LAMA4: variants seen among roughly 807,000 people sequenced by gnomAD.
LAMA4 encodes laminin subunit alpha-4.
LAMA4 carries 127 observed loss-of-function variants against 207.1 expected under a neutral mutation model. That is an observed-to-expected ratio of 0.61 (90% confidence interval 0.53 to 0.71). The LOEUF is 0.71. Ranked by LOEUF, LAMA4 falls within the 30% of genes least tolerant of loss-of-function variation. The probability of loss-of-function intolerance (pLI) is 0.00; values close to 1 mark genes in which losing one functional copy is unlikely to be tolerated. For synonymous variants in LAMA4, 761 were observed against 816.0 expected, an observed-to-expected ratio of 0.93 and a Z score of 1.15; for missense variants, 2,093 against 2,246.5, an observed-to-expected ratio of 0.93 and a Z score of 1.38.
At chr6:112,228,859 T>C (rs9487858) in intron 2 of LAMA4, among the ~76,000 whole-genome samples, 21,907 of 152,106 alleles carry the variant, frequency 0.14, 3,319 homozygotes, top group African/African-American at 0.38. Context: ...AGGGGCAGAT[T>C]CTGGATCTGG....
intron 2 of LAMA4, among the ~76,000 whole-genome samples, chr6:112,224,196 T>C (rs1330077891): frequency 1.3e-5 from 2 of 152,202 alleles, no homozygotes; most frequent in African/African-American, 2.4e-5. Flanking sequence ...TTGACATCTT[T>C]ACCTGGGCTC....
intron 9 of LAMA4, among the ~76,000 whole-genome samples, chr6:112,183,996 A>C (rs1782532186): frequency 6.6e-6 from 1 of 151,594 alleles, no homozygotes. Context: ...TAGTTTTAGC[A>C]AGTTTCAACC....
At chr6:112,176,094 G>A (rs9398299) in intron 10 of LAMA4, among the ~76,000 whole-genome samples, 76,108 of 152,068 alleles carry the variant, frequency 0.5, 19,345 homozygotes, top group Middle Eastern at 0.66. Flanking sequence ...TTTGCTCATT[G>A]ATAGTTATTT....
Position 112,120,489 on chromosome 6 carries a change from A to C in LAMA4, c.4476-17T>G. On this transcript the variant is annotated splice_polypyrimidine_tract_variant and intron_variant, in intron 32 of 38. Transcript: ENST00000230538. Reference sequence around the variant, plus strand: ...AACTGAGATCTGGTAAATGAAAAGAAAGGGATTACCATATGTAAAATGAGA... The same window carrying C: ...AACTGAGATCTGGTAAATGAAAAGACAGGGATTACCATATGTAAAATGAGA... 6.3e-7 allele frequency: 1 copy of C among 1,590,224 alleles called. No homozygotes were observed. Among genetic ancestry groups the C allele is most frequent in the Non-Finnish European group, 8.6e-7 (1 of 1,158,620 alleles).
At position 112,124,013 on chromosome 6, in the gene LAMA4, T is replaced by C. The variant is rs1778532118; in HGVS notation, c.4288-1812A>G. ...TAGGGCTGCCAGGAGATTCTTTAAC[T>C]CTAATGTCTTAGGAAAATTTCCCCA... On this transcript the variant is annotated intron_variant, in intron 31 of 38. Coordinates refer to ENST00000230538, the MANE Select transcript of LAMA4 (RefSeq NM_001105206.3). Among the ~76,000 whole-genome samples the C allele has an allele frequency of 2.6e-5, 4 of 152,178 alleles. No individual in the cohort carries two copies. In the South Asian group the frequency reaches 8.3e-4, roughly 32 times the overall value.
chr6:112,144,379 A>G (rs540745063), intron 19 of LAMA4, among the ~76,000 whole-genome samples: 6 of 152,248 alleles, frequency 3.9e-5, no homozygotes, highest in Non-Finnish European at 5.9e-5. Flanking sequence ...GATGGGATAG[A>G]TTATTCCATT....
At chr6:112,155,191 C>A in intron 15 of LAMA4, 3 of 592,124 alleles carry the variant, frequency 5.1e-6, no homozygotes, top group Non-Finnish European at 9.0e-6. Flanking sequence ...TGGCCAAGGC[C>A]CCACCAAAGT....
chr6:112,119,269 C>T lies in LAMA4; in HGVS notation c.4708G>A (p.Asp1570Asn). ...RERSSGRLVI[D>N]GLRVLEESLP... ...CTTTCTTCTAGGACTCGGAGACCAT[C>T]AATTACCAGTCGGCCACTGCTCCTT... Residue 1570 changes from aspartate (D) to asparagine (N), a missense_variant, in exon 34 of 39, where the codon GAT becomes AAT. Transcript: ENST00000230538. 2.5e-6 allele frequency: 4 copies of T among 1,614,050 alleles called. No individual in the cohort carries two copies. The South Asian group carries it at 3.3e-5, about 13-fold the overall frequency.
intron 24 of LAMA4, among the ~76,000 whole-genome samples, chr6:112,136,611 G>C (rs1431238179): frequency 1.3e-5 from 2 of 150,776 alleles, no homozygotes; most frequent in Non-Finnish European, 2.9e-5. Context: ...AGAATCGCTT[G>C]AACCCGGGAG....
At chr6:112,121,989 C>G in intron 32 of LAMA4, 25 bp downstream of exon 32, 1 of 1,600,064 alleles carries the variant, frequency 6.2e-7, no homozygotes, top group Non-Finnish European at 8.6e-7. Flanking sequence ...CATTAGGAGT[C>G]TAGGAGTATA....
rs2114574039 is a variant in LAMA4 at position 112,117,676 on chromosome 6, C to T, written c.4981+63G>A. 1 of 1,506,634 alleles carries T rather than the reference C, an allele frequency of 6.6e-7. No homozygotes were observed. The highest frequency in any genetic ancestry group is 9.2e-7 in the Non-Finnish European group (1 of 1,085,404). 93.3% of individuals were successfully genotyped at this position (1,506,634 alleles called of 1,614,324 possible). ...AGTTTTAACTCTGGGCCTGATATTC[C>T]CTGTTAGCCATCTCCAGGAAGAAGC... On this transcript the variant is annotated intron_variant, in intron 35 of 38. Transcript: ENST00000230538. The surrounding 1 kb of genome is among the most constrained non-coding windows in gnomAD (Gnocchi z 4.5).
intron 26 of LAMA4, among the ~76,000 whole-genome samples, chr6:112,133,933 T>A (rs2114662911): frequency 6.6e-6 from 1 of 152,316 alleles, no homozygotes; most frequent in South Asian, 2.1e-4. Context: ...GATGTTAGGA[T>A]TTGAACACAG....
At chr6:112,220,099 C>T (rs782510159) in intron 2 of LAMA4, among the ~76,000 whole-genome samples, 15 of 152,056 alleles carry the variant, frequency 9.9e-5, no homozygotes, top group Non-Finnish European at 1.9e-4. Context: ...TGCTAATAGA[C>T]ACAATACTTA....
chr6:112,216,232 A>G, intron 3 of LAMA4, 136 bp downstream of exon 3: 1 of 714,096 alleles, frequency 1.4e-6, no homozygotes, highest in South Asian at 1.5e-5. Flanking sequence ...TTCACAGGAA[A>G]AGCTGAAGGG....
At chr6:112,169,263 C>T (rs932639409) in intron 12 of LAMA4, among the ~76,000 whole-genome samples, 3 of 152,042 alleles carry the variant, frequency 2.0e-5, no homozygotes, top group Admixed American at 1.3e-4. Context: ...CTGGAGAACC[C>T]AGAGCAGGAG....
intron 4 of LAMA4, among the ~76,000 whole-genome samples, chr6:112,202,884 C>A (rs782193399): frequency 1.1e-4 from 16 of 152,240 alleles, no homozygotes; most frequent in Non-Finnish European, 1.9e-4. Flanking sequence ...CATGCAACAT[C>A]TGCTAGGGGC....
At chr6:112,142,060 A>G in intron 20 of LAMA4, 59 bp downstream of exon 20, 4 of 1,589,190 alleles carry the variant, frequency 2.5e-6, no homozygotes, top group Non-Finnish European at 3.5e-6. Context: ...ATTTTAGGCA[A>G]GAGAAAAAGC....
Position 112,158,690 on chromosome 6 carries a change from C to T in LAMA4, c.1817+42G>A, listed in dbSNP as rs111348123. ...TGGAATTGAATAGTAATATTTTATT[C>T]ACCCCATGTAGATATTTGCATTTCT... On this transcript the variant is annotated intron_variant, in intron 14 of 38. Transcript: ENST00000230538. 6,664 of 1,547,842 alleles carry T rather than the reference C, an allele frequency of 4.3e-3. 226 individuals are homozygous for T. The African/African-American group carries it at 0.073, about 17-fold the overall frequency.
chr6:112,112,041 A>G (rs892875915), intron 38 of LAMA4, among the ~76,000 whole-genome samples: 9 of 152,350 alleles, frequency 5.9e-5, no homozygotes, highest in South Asian at 4.1e-4. Flanking sequence ...ACAATGCTTA[A>G]TAGACAATCC....
Sources: allele counts gnomAD v4.1 joint callset (sites outside exome capture counted in the v4.1 genomes callset), GRCh38; gene constraint gnomAD v4.1.1; non-coding constraint Gnocchi (gnomAD v3.1); transcripts MANE v1.5; gene names NCBI Gene and HGNC (gene_info 2026-07-23, HGNC 2026-07-21).